Variants in KATNIP observed in about 807,000 individuals in gnomAD.
KATNIP encodes the protein katanin-interacting protein.
Under a neutral mutation model 174.0 loss-of-function variants are expected in KATNIP, and 126 were observed. The observed-to-expected ratio is 0.72, with a 90% confidence interval of 0.63 to 0.84. The LOEUF (loss-of-function observed/expected upper bound fraction) is 0.84. Among genes scored for constraint, KATNIP ranks in the 40% least tolerant of loss-of-function variants. The pLI, the probability that KATNIP is intolerant of heterozygous loss-of-function variation, is 0.00. For synonymous variants in KATNIP, 810 were observed against 835.7 expected (o/e 0.97, Z 0.53); for missense variants, 1,958 against 2,109.7 (o/e 0.93, Z 1.41).
intron 14 of KATNIP, among the ~76,000 whole-genome samples, chr16:27,738,284 G>A (rs991256965): frequency 6.6e-5 from 10 of 152,142 alleles, no homozygotes; most frequent in African/African-American, 2.4e-4. Flanking sequence ...AGGAGGAAGG[G>A]GAGACAGGGG....
intron 23 of KATNIP, among the ~76,000 whole-genome samples, chr16:27,774,164 C>T (rs892786824): frequency 6.6e-6 from 1 of 152,214 alleles, no homozygotes; most frequent in African/African-American, 2.4e-5. Flanking sequence ...CCAAAGCCTG[C>T]CTTGCATCTG....
intron 2 of KATNIP, among the ~76,000 whole-genome samples, chr16:27,588,194 T>C (rs1272270157): frequency 6.6e-6 from 1 of 151,778 alleles, no homozygotes; most frequent in Non-Finnish European, 1.5e-5. Context: ...GCCTCTAGCA[T>C]TTTTTTTCTA....
chr16:27,626,051 T>C (rs2076324504), intron 3 of KATNIP, among the ~76,000 whole-genome samples: 1 of 152,070 alleles, frequency 6.6e-6, no homozygotes, highest in East Asian at 1.9e-4. Context: ...GGTTTCACCA[T>C]GTTGCCCAGG....
intron 1 of KATNIP, among the ~76,000 whole-genome samples, chr16:27,560,368 CAG>C (rs1342739371): frequency 6.6e-6 from 1 of 151,958 alleles, no homozygotes; most frequent in Non-Finnish European, 1.5e-5. Context: ...TTTGGGCCCT[CAG>C]CACTTTCTTG....
At chr16:27,694,840 ACT>A (rs1196287923) in intron 8 of KATNIP, among the ~76,000 whole-genome samples, 2 of 151,696 alleles carry the variant, frequency 1.3e-5, no homozygotes, top group Admixed American at 6.6e-5. Context: ...TCCAGCCTAG[ACT>A]CTCTCAAACT....
At chr16:27,633,674 T>C (rs1254804598) in intron 5 of KATNIP, among the ~76,000 whole-genome samples, 1 of 152,238 alleles carries the variant, frequency 6.6e-6, no homozygotes, top group Non-Finnish European at 1.5e-5. Context: ...TGTATGGGTC[T>C]ATAGTTAAAT....
chr16:27,670,352 C>G (rs2077851070), intron 6 of KATNIP, among the ~76,000 whole-genome samples: 1 of 152,186 alleles, frequency 6.6e-6, no homozygotes, highest in African/African-American at 2.4e-5. Flanking sequence ...TTTATTCAAA[C>G]TTTAAGTGGC....
At chr16:27,667,360 A>G (rs1012193836) in intron 6 of KATNIP, among the ~76,000 whole-genome samples, 2 of 152,198 alleles carry the variant, frequency 1.3e-5, no homozygotes, top group Non-Finnish European at 2.9e-5. Flanking sequence ...ATGAGAAAAA[A>G]GAACAAATTA....
intron 5 of KATNIP, among the ~76,000 whole-genome samples, chr16:27,646,984 C>T (rs955161917): frequency 1.3e-5 from 2 of 152,206 alleles, no homozygotes; most frequent in African/African-American, 4.8e-5. Context: ...TGAGGAAACA[C>T]CTAGAAGATG....
intron 23 of KATNIP, among the ~76,000 whole-genome samples, chr16:27,774,717 C>A (rs1185319260): frequency 1.3e-5 from 2 of 152,186 alleles, no homozygotes; most frequent in Non-Finnish European, 2.9e-5. Flanking sequence ...GTGTGGTTTC[C>A]TTCTCTCTCT....
intron 10 of KATNIP, 114 bp downstream of exon 10, chr16:27,699,713 T>A (rs1048141312): frequency 9.9e-6 from 14 of 1,418,314 alleles, no homozygotes; most frequent in Non-Finnish European, 1.2e-5. Flanking sequence ...CCTGATGGCC[T>A]CCAGGGCGCT....
rs543672988 is a variant in KATNIP at position 27,597,233 on chromosome 16, G to A, written c.64-21192G>A. Among the ~76,000 whole-genome samples, 18 of 151,970 alleles carry A rather than the reference G, an allele frequency of 1.2e-4. 1 individual carries two copies. In the South Asian group the frequency reaches 3.1e-3, roughly 26 times the overall value. On this transcript the variant is annotated intron_variant, in intron 2 of 27. Transcript: ENST00000261588. ...ATAAAAATTGTCACCTTCTAGATAA[G>A]GCTAAAATCCATTTTGCTAATCCCA... is the stretch of plus-strand genomic sequence containing the variant.
At chr16:27,748,355 G>A (rs1178914791) in intron 15 of KATNIP, among the ~76,000 whole-genome samples, 1 of 152,204 alleles carries the variant, frequency 6.6e-6, no homozygotes, top group African/African-American at 2.4e-5. Context: ...CCCAGCTGAG[G>A]CAGGCGAATC....
intron 6 of KATNIP, among the ~76,000 whole-genome samples, 191 bp downstream of exon 6, chr16:27,648,926 C>T (rs1197195442): frequency 6.6e-6 from 1 of 152,240 alleles, no homozygotes; most frequent in African/African-American, 2.4e-5. Flanking sequence ...CATTCAGAGG[C>T]ACCCGGTGAC....
rs745582034 is a variant in KATNIP at position 27,740,608 on chromosome 16, C to T, written c.2311C>T (p.Pro771Ser). The T allele has an allele frequency of 2.0e-5, 32 of 1,614,106 alleles. No individual in the cohort carries two copies. The highest frequency in any genetic ancestry group is 2.7e-5 in the Non-Finnish European group (32 of 1,180,058). The change falls in exon 15 of 28, where the codon CCA (proline) becomes TCA (serine). Residue 771 changes from proline to serine, a missense_variant. Pro to Ser is a moderately conservative substitution (Grantham distance 74). Around this residue, in one of 3 missense-constraint regions of KATNIP, gnomAD observed 1,557 missense variants for 1,617.8 expected, o/e 0.96. Coordinates refer to ENST00000261588, the MANE Select transcript of KATNIP (RefSeq NM_015202.5). ...GKDRKQGGRK[P>S]KPLWLSPEKP... ...GGACAGGAAGCAGGGAGGCAGGAAG[C>T]CAAAACCCCTCTGGCTTAGTCCCGA...
chr16:27,712,840 C>G (rs984334105), intron 13 of KATNIP, among the ~76,000 whole-genome samples: 2 of 152,156 alleles, frequency 1.3e-5, no homozygotes, highest in Non-Finnish European at 2.9e-5. Context: ...GGGTCTTGCT[C>G]TGTTGCCCAG....
In KATNIP at chr16:27,684,254, T is replaced by TGTGTCCTTACAGG. The variant is rs746109221; in HGVS notation, c.940+2724_940+2725insGTGTCCTTACAGG. On this transcript the variant is annotated intron_variant, in intron 8 of 27. Coordinates refer to ENST00000261588, the MANE Select transcript of KATNIP (RefSeq NM_015202.5). ...ATGGAGGCACAGAGAGGTTAAGGAATCTGTCCAAGATCACACAGCCTGTAA... is the reference window on the plus strand; with the variant it reads ...ATGGAGGCACAGAGAGGTTAAGGAATGTGTCCTTACAGGCTGTCCAAGATCACACAGCCTGTAA... Among the ~76,000 whole-genome samples, 167 of 152,292 alleles carry TGTGTCCTTACAGG rather than the reference T, an allele frequency of 1.1e-3. 1 individual carries two copies. In the Middle Eastern group the frequency reaches 0.014, roughly 12 times the overall value.
intron 9 of KATNIP, among the ~76,000 whole-genome samples, chr16:27,698,868 G>T (rs762585146): frequency 6.6e-6 from 1 of 152,196 alleles, no homozygotes; most frequent in South Asian, 2.1e-4. Flanking sequence ...ATTCCCGAGC[G>T]TGGGCCCTTC....
At chr16:27,772,898 CACACACACAT>C (rs1394210835) in intron 22 of KATNIP, among the ~76,000 whole-genome samples, 191 bp from the exon 23 acceptor site, 1 of 152,136 alleles carries the variant, frequency 6.6e-6, no homozygotes, top group African/African-American at 2.4e-5. Context: ...CATGCACACA[CACACACACAT>C]GCACACACAT....
Sources: gnomAD v4.1 joint callset for allele counts (sites outside exome capture counted in the v4.1 genomes callset) on GRCh38, gnomAD v4.1.1 for gene constraint, gnomAD v4.1.1 regional missense constraint, MANE v1.5 for transcripts, NCBI Gene and HGNC (gene_info 2026-07-23, HGNC 2026-07-21) for gene names.